The following PLCB1 variants were observed in gnomAD, a reference collection of about 807,000 sequenced individuals.
The protein encoded by PLCB1 is 1-phosphatidylinositol 4,5-bisphosphate phosphodiesterase beta-1.
Under a neutral mutation model 161.8 loss-of-function variants are expected in PLCB1, and 46 were observed. The ratio of observed to expected loss-of-function variants is 0.28; its 90% confidence interval spans 0.22 to 0.36. The LOEUF is 0.36. Among genes scored for constraint, PLCB1 ranks in the 10% least tolerant of loss-of-function variants. The pLI, the probability that PLCB1 is intolerant of heterozygous loss-of-function variation, is 1.00. For synonymous variants in PLCB1, 517 were observed against 503.7 expected (o/e 1.03, Z -0.35); for missense variants, 1,016 against 1,472.5 (o/e 0.69, Z 5.07).
At chr20:8,779,232 A>G (rs1189184286) in intron 27 of PLCB1, among the ~76,000 whole-genome samples, 1 of 152,172 alleles carries the variant, frequency 6.6e-6, no homozygotes, top group South Asian at 2.1e-4. Flanking sequence ...TCAGATGTTT[A>G]CTGAAAACTT....
intron 14 of PLCB1, among the ~76,000 whole-genome samples, chr20:8,721,553 G>A (rs114596161): frequency 6.6e-6 from 1 of 152,296 alleles, no homozygotes; most frequent in African/African-American, 2.4e-5. Context: ...TCATTTAAAT[G>A]AGTGTATATT....
intron 5 of PLCB1, among the ~76,000 whole-genome samples, chr20:8,647,581 A>C (rs978671140): frequency 6.6e-6 from 1 of 152,220 alleles, no homozygotes; most frequent in South Asian, 2.1e-4. Flanking sequence ...TCTCAGAAAC[A>C]TGCTATTGAG....
At chr20:8,538,829 T>A (rs151193312) in intron 3 of PLCB1, among the ~76,000 whole-genome samples, 10,487 of 151,082 alleles carry the variant, frequency 0.069, 468 homozygotes, top group Middle Eastern at 0.11. Flanking sequence ...AGTCCCACTG[T>A]GTCACCCAGG....
intron 3 of PLCB1, among the ~76,000 whole-genome samples, chr20:8,510,327 A>G (rs1600115895): frequency 1.3e-5 from 2 of 151,270 alleles, no homozygotes; most frequent in South Asian, 4.2e-4. Context: ...TTACAACGAA[A>G]TTAATTTTCT....
chr20:8,217,649 T>C (rs1979203893), intron 2 of PLCB1, among the ~76,000 whole-genome samples: 1 of 152,122 alleles, frequency 6.6e-6, no homozygotes, highest in African/African-American at 2.4e-5. Flanking sequence ...AGGAAAGTTG[T>C]AAAGGAATGG....
chr20:8,223,635 A>G (rs890404284), intron 2 of PLCB1, among the ~76,000 whole-genome samples: 2 of 152,164 alleles, frequency 1.3e-5, no homozygotes, highest in South Asian at 2.1e-4. Context: ...TTCCATGGGA[A>G]AGGATTGTGT....
At chr20:8,211,658 T>C (rs780549736) in intron 2 of PLCB1, among the ~76,000 whole-genome samples, 6 of 152,096 alleles carry the variant, frequency 3.9e-5, no homozygotes, top group Admixed American at 6.6e-5. Flanking sequence ...ATAGACTGTG[T>C]TGTTTTGAGT....
At chr20:8,878,041 G>T (rs576946367) in intron 31 of PLCB1, among the ~76,000 whole-genome samples, 2 of 152,112 alleles carry the variant, frequency 1.3e-5, no homozygotes, top group South Asian at 2.1e-4. Context: ...AAAAAGCATT[G>T]GTTTAGGTAT....
intron 31 of PLCB1, among the ~76,000 whole-genome samples, chr20:8,850,263 A>G (rs1207629135): frequency 2.0e-5 from 3 of 152,212 alleles, no homozygotes; most frequent in Non-Finnish European, 4.4e-5. Context: ...CCACAGGCAC[A>G]ACATTTTCTA....
chr20:8,498,673 T>C (rs1305055021), intron 3 of PLCB1, among the ~76,000 whole-genome samples: 1 of 152,194 alleles, frequency 6.6e-6, no homozygotes, highest in Non-Finnish European at 1.5e-5. Flanking sequence ...GAGTTAGCTT[T>C]TGTTGCATAA....
chr20:8,802,053 CA>C, intron 31 of PLCB1: 1 of 1,563,008 alleles, frequency 6.4e-7, no homozygotes, highest in Non-Finnish European at 8.8e-7. Flanking sequence ...TTTTTCCACA[CA>C]GGGGGAAGGT....
At chr20:8,528,829 G>C (rs952340954) in intron 3 of PLCB1, among the ~76,000 whole-genome samples, 5 of 151,496 alleles carry the variant, frequency 3.3e-5, no homozygotes, top group African/African-American at 9.7e-5. Flanking sequence ...TGAAAACAAG[G>C]GGCGAAAAGT....
chr20:8,436,014 C>G (rs937634699), intron 3 of PLCB1, among the ~76,000 whole-genome samples: 4 of 152,104 alleles, frequency 2.6e-5, no homozygotes, highest in Non-Finnish European at 4.4e-5. Flanking sequence ...ACAGTGTGTT[C>G]TCTACTTCTC....
chr20:8,871,886 A>T (rs1184905146), intron 31 of PLCB1, among the ~76,000 whole-genome samples: 1 of 152,230 alleles, frequency 6.6e-6, no homozygotes, highest in African/African-American at 2.4e-5. Context: ...AGCATTTAAT[A>T]TGTATGATCT....
At chr20:8,137,362 G>A (rs1380040518) in intron 1 of PLCB1, among the ~76,000 whole-genome samples, 1 of 152,206 alleles carries the variant, frequency 6.6e-6, no homozygotes, top group Non-Finnish European at 1.5e-5. Flanking sequence ...AAACAGGGAG[G>A]AAACTTCTCT....
intron 31 of PLCB1, chr20:8,792,449 C>A (rs6086599): frequency 0.32 from 129,617 of 402,310 alleles, 22,638 homozygotes; most frequent in East Asian, 0.51. Context: ...ACTGGGTAGA[C>A]AGGTTACATA....
At chr20:8,587,283 G>A (rs1158765347) in intron 3 of PLCB1, among the ~76,000 whole-genome samples, 1 of 152,054 alleles carries the variant, frequency 6.6e-6, no homozygotes, top group East Asian at 1.9e-4. Context: ...TAAATGAGTT[G>A]GGTTATTATT....
intron 3 of PLCB1, among the ~76,000 whole-genome samples, chr20:8,431,838 G>GT (rs1265556115): frequency 6.6e-6 from 1 of 152,174 alleles, no homozygotes; most frequent in East Asian, 1.9e-4. Flanking sequence ...CTTGAATGCT[G>GT]TATTAGTCTG....
At chr20:8,434,201 T>C (rs1980196528) in intron 3 of PLCB1, among the ~76,000 whole-genome samples, 1 of 152,226 alleles carries the variant, frequency 6.6e-6, no homozygotes, top group African/African-American at 2.4e-5. Flanking sequence ...GTGTCTGCAC[T>C]TCCTTCTGGA....
Sources: gnomAD v4.1 joint callset for allele counts (sites outside exome capture counted in the v4.1 genomes callset) on GRCh38, gnomAD v4.1.1 for gene constraint, MANE v1.5 for transcripts, NCBI Gene and HGNC (gene_info 2026-07-23, HGNC 2026-07-21) for gene names.